Variants in CNTN3 observed in about 807,000 individuals in gnomAD.
The protein encoded by CNTN3 is contactin 3, also known as contactin-3.
Under a neutral mutation model 119.1 loss-of-function variants are expected in CNTN3, and 60 were observed. That is an observed-to-expected ratio of 0.50 (90% CI 0.41 to 0.62). The LOEUF is 0.62. Among genes scored for constraint, CNTN3 ranks in the 20% least tolerant of loss-of-function variants. The pLI, the probability that CNTN3 is intolerant of heterozygous loss-of-function variation, is 0.00. For synonymous variants in CNTN3, 450 were observed against 438.7 expected (o/e 1.03, Z -0.32); for missense variants, 1,101 against 1,242.4 (o/e 0.89, Z 1.71).
At chr3:74,407,389 C>CTCTGAAGTA (rs1395340482) in intron 5 of CNTN3, among the ~76,000 whole-genome samples, 1 of 150,692 alleles carries the variant, frequency 6.6e-6, no homozygotes, top group Non-Finnish European at 1.5e-5. Context: ...CTGCCTCAGC[C>CTCTGAAGTA]TCTGAAGTAG....
chr3:74,308,532 A>G (rs1413023021), intron 13 of CNTN3, among the ~76,000 whole-genome samples: 1 of 152,190 alleles, frequency 6.6e-6, no homozygotes, highest in Non-Finnish European at 1.5e-5. Context: ...CTTCATGCCT[A>G]TTTTAGGTTG....
At chr3:74,530,662 C>T (rs769493161) in intron 1 of CNTN3, among the ~76,000 whole-genome samples, 3 of 151,882 alleles carry the variant, frequency 2.0e-5, no homozygotes, top group South Asian at 2.1e-4. Flanking sequence ...GTTTCCTGTG[C>T]GCCAGACACA....
chr3:74,378,194 G>T (rs1402401639), intron 5 of CNTN3, among the ~76,000 whole-genome samples: 3 of 152,200 alleles, frequency 2.0e-5, no homozygotes, highest in African/African-American at 7.2e-5. Context: ...CACTTTGGTG[G>T]AAAGTCTGGG....
At chr3:74,587,934 T>A (rs1304442641) in intron 1 of CNTN3, among the ~76,000 whole-genome samples, 3 of 152,152 alleles carry the variant, frequency 2.0e-5, no homozygotes, top group African/African-American at 7.2e-5. Flanking sequence ...TGTGGGTTTG[T>A]CATAGATAGC....
intron 2 of CNTN3, among the ~76,000 whole-genome samples, chr3:74,513,691 G>T (rs1282987077): frequency 6.6e-6 from 1 of 151,894 alleles, no homozygotes; most frequent in Non-Finnish European, 1.5e-5. Context: ...TTTCACGAGG[G>T]CACTCACCAC....
At chr3:74,590,693 T>C (rs972784938) in intron 1 of CNTN3, among the ~76,000 whole-genome samples, 4 of 152,062 alleles carry the variant, frequency 2.6e-5, no homozygotes, top group East Asian at 1.9e-4. Flanking sequence ...AACCTACTCA[T>C]TGTTTTCTGA....
At chr3:74,363,812 C>T (rs1269201247) in intron 10 of CNTN3, among the ~76,000 whole-genome samples, 1 of 152,080 alleles carries the variant, frequency 6.6e-6, no homozygotes. Context: ...TGAGCAAGCC[C>T]TCCTGCTCCT....
At chr3:74,499,623 T>G in intron 3 of CNTN3, 36 bp downstream of exon 3, 2 of 1,572,502 alleles carry the variant, frequency 1.3e-6, no homozygotes, top group Non-Finnish European at 1.7e-6. Flanking sequence ...GTGTGTTTAG[T>G]TTTTTTTATT....
chr3:74,314,834 G>A (rs925828060), intron 13 of CNTN3, among the ~76,000 whole-genome samples: 1 of 152,134 alleles, frequency 6.6e-6, no homozygotes, highest in African/African-American at 2.4e-5. Context: ...TTATCCAACA[G>A]CAGTGTCAGA....
rs77735481 is a variant in CNTN3 at position 74,267,448 on chromosome 3, C to T, written c.2705-70G>A. On this transcript the variant is annotated intron_variant, in intron 20 of 22. Transcript: ENST00000263665. ...GTGATATTTTACACGGAGGAGATGG[C>T]GGCTATCATAGGAAGCTAGTGGAAG... The T allele has an allele frequency of 1.9e-4, 200 of 1,079,386 alleles. No homozygotes were observed. In the East Asian group the frequency reaches 4.5e-3, roughly 24 times the overall value. The allele number at this position is 1,079,386 out of a possible 1,614,324, so 66.9% of individuals were successfully genotyped here.
At chr3:74,369,125 A>C (rs1310246721) in intron 8 of CNTN3, 64 bp downstream of exon 8, 12 of 1,287,452 alleles carry the variant, frequency 9.3e-6, no homozygotes, top group African/African-American at 4.6e-5. Flanking sequence ...CCTAAATAAC[A>C]ACCATATTTT....
intron 4 of CNTN3, among the ~76,000 whole-genome samples, chr3:74,426,163 A>G (rs1351624955): frequency 6.6e-6 from 1 of 152,156 alleles, no homozygotes; most frequent in Admixed American, 6.5e-5. Context: ...AAAATGCTTT[A>G]GTTCATAGGG....
chr3:74,372,265 G>T (rs1043848577), intron 5 of CNTN3, among the ~76,000 whole-genome samples: 1 of 152,050 alleles, frequency 6.6e-6, no homozygotes, highest in African/African-American at 2.4e-5. Context: ...CCTCAATAAA[G>T]ATTCATGGAG....
At chr3:74,279,787 G>C (rs548887436) in intron 20 of CNTN3, among the ~76,000 whole-genome samples, 1 of 151,352 alleles carries the variant, frequency 6.6e-6, no homozygotes, top group African/African-American at 2.4e-5. Context: ...CTAACCTATG[G>C]AAAAATAATA....
At chr3:74,553,907 A>G (rs1704031117) in intron 1 of CNTN3, among the ~76,000 whole-genome samples, 1 of 152,032 alleles carries the variant, frequency 6.6e-6, no homozygotes, top group Non-Finnish European at 1.5e-5. Context: ...GCTGTGCAGA[A>G]GCTCTTTAGT....
Position 74,397,173 on chromosome 3 carries a change from A to C in CNTN3, c.455-25774T>G, listed in dbSNP as rs1705077429. ...CCTAGGGTTACTAAGAATTCCACTA[A>C]ATCTACTCTGTCTGTGGTCTATAAA... On this transcript the variant is annotated intron_variant, in intron 5 of 22. Coordinates refer to ENST00000263665, the MANE Select transcript of CNTN3 (RefSeq NM_020872.3). Among the ~76,000 whole-genome samples the C allele has an allele frequency of 2.0e-5, 3 of 152,118 alleles. No homozygotes were observed. In the South Asian group the frequency reaches 6.2e-4, roughly 31 times the overall value.
At chr3:74,281,357 G>A (rs1366981783) in intron 20 of CNTN3, among the ~76,000 whole-genome samples, 1 of 151,992 alleles carries the variant, frequency 6.6e-6, no homozygotes. Context: ...TTGAGACAGG[G>A]TTTTACTCTG....
chr3:74,522,260 AT>A, intron 1 of CNTN3, among the ~76,000 whole-genome samples: 1 of 152,046 alleles, frequency 6.6e-6, no homozygotes, highest in South Asian at 2.1e-4. Flanking sequence ...TCTAATATAT[AT>A]TCTTGGGTAG....
At chr3:74,398,865 ATTT>A (rs1705118939) in intron 5 of CNTN3, among the ~76,000 whole-genome samples, 2 of 152,114 alleles carry the variant, frequency 1.3e-5, no homozygotes, top group South Asian at 2.1e-4. Context: ...CACGTGGTTA[ATTT>A]TTTAATTAAG....
Sources: allele counts gnomAD v4.1 joint callset (sites outside exome capture counted in the v4.1 genomes callset), GRCh38; gene constraint gnomAD v4.1.1; transcripts MANE v1.5; gene names NCBI Gene and HGNC (gene_info 2026-07-23, HGNC 2026-07-21).